SHISA9: variants seen among roughly 807,000 people sequenced by gnomAD.
The protein encoded by SHISA9 is protein shisa-9.
A neutral mutation model predicts 38.0 loss-of-function variants in SHISA9; 13 were observed. The ratio of observed to expected loss-of-function variants is 0.34; its 90% CI spans 0.22 to 0.54. SHISA9 has a LOEUF of 0.54. Among genes scored for constraint, SHISA9 ranks in the 20% least tolerant of loss-of-function variants. SHISA9 has a pLI of 0.91. For synonymous variants in SHISA9, 275 were observed against 242.0 expected (o/e 1.14, Z -1.27); for missense variants, 538 against 575.8 (o/e 0.93, Z 0.67).
the SHISA9 span, among the ~76,000 whole-genome samples, chr16:13,387,124 T>G: frequency 1.1e-4 from 16 of 152,358 alleles, no homozygotes; most frequent in South Asian, 1.0e-3. Context: ...TTCATCCATT[T>G]CTGTACATTT....
At chr16:12,961,490 T>C (rs2071911768) in intron 2 of SHISA9, among the ~76,000 whole-genome samples, 1 of 152,066 alleles carries the variant, frequency 6.6e-6, no homozygotes, top group African/African-American at 2.4e-5. Context: ...AAATAAACCA[T>C]ATTACCTCCT....
the SHISA9 span, among the ~76,000 whole-genome samples, chr16:13,486,650 C>G: frequency 1.3e-5 from 2 of 152,256 alleles, no homozygotes; most frequent in African/African-American, 4.8e-5. Flanking sequence ...ACTCTAGAGC[C>G]TAGCATAGCA....
At chr16:13,325,403 G>A in the SHISA9 span, among the ~76,000 whole-genome samples, 12 of 152,242 alleles carry the variant, frequency 7.9e-5, no homozygotes, top group African/African-American at 2.6e-4. Context: ...GGTATTATGA[G>A]GCATGTCTAA....
chr16:13,015,890 C>CTTTCTTTCTTTCTTTCTTTCTTTCTTT (rs1555454828), intron 2 of SHISA9, among the ~76,000 whole-genome samples: 1 of 117,034 alleles, frequency 8.5e-6, no homozygotes, highest in Non-Finnish European at 1.8e-5. Context: ...TTCTTTCTTT[C>CTTTCTTTCTTTCTTTCTTTCTTTCTTT]TTTCTTTCTT....
the SHISA9 span, among the ~76,000 whole-genome samples, chr16:13,498,170 C>A: frequency 5.9e-5 from 9 of 152,038 alleles, no homozygotes; most frequent in South Asian, 1.9e-3. Context: ...TGTGAAAAGA[C>A]AATGTAGAAG....
rs191488594 is a variant in SHISA9, at chr16:13,143,389, C to A, written c.692-60005C>A. On this transcript the variant is annotated intron_variant, in intron 2 of 4. Transcript: ENST00000558583. ...ACGGTGTACCAAGGATGAATATATC[C>A]CCGTACCTATCCTTCTGGAATTCAG... Among the ~76,000 whole-genome samples, 94 of 152,216 alleles carry A rather than the reference C, an allele frequency of 6.2e-4. 1 individual carries two copies. The highest frequency in any genetic ancestry group is 1.0e-3 in the Non-Finnish European group (70 of 68,012).
the SHISA9 span, among the ~76,000 whole-genome samples, chr16:13,285,376 G>A: frequency 2.0e-5 from 3 of 151,794 alleles, no homozygotes; most frequent in Non-Finnish European, 4.4e-5. Context: ...TGGCAGCTGG[G>A]GAGTAATTCT....
At chr16:13,265,820 G>GA in the SHISA9 span, among the ~76,000 whole-genome samples, 12,718 of 150,524 alleles carry the variant, frequency 0.084, 584 homozygotes, top group South Asian at 0.18. Context: ...AAGATAACTG[G>GA]AAAAAAAAAA....
At chr16:12,906,771 G>A (rs1349762669) in intron 1 of SHISA9, among the ~76,000 whole-genome samples, 1 of 151,980 alleles carries the variant, frequency 6.6e-6, no homozygotes, top group African/African-American at 2.4e-5. Flanking sequence ...TGGCACTATT[G>A]ACTGGAGAAT....
chr16:13,241,351 A>G (rs2051433924), downstream of SHISA9, among the ~76,000 whole-genome samples: 2 of 152,182 alleles, frequency 1.3e-5, 1 homozygote, highest in South Asian at 4.1e-4. Context: ...TATTAAAAAT[A>G]CAAAATTAGC....
chr16:13,226,342 C>T (rs1271995277), intron 4 of SHISA9, among the ~76,000 whole-genome samples: 4 of 152,180 alleles, frequency 2.6e-5, no homozygotes, highest in African/African-American at 7.2e-5. Context: ...CACCAGGCAC[C>T]AGTTCAGTGC....
chr16:13,324,565 T>G, the SHISA9 span, among the ~76,000 whole-genome samples: 1 of 152,210 alleles, frequency 6.6e-6, no homozygotes. Flanking sequence ...GGTTGTTTTT[T>G]TCAATCTAGG....
At chr16:13,314,878 G>A in the SHISA9 span, among the ~76,000 whole-genome samples, 1 of 152,168 alleles carries the variant, frequency 6.6e-6, no homozygotes, top group Non-Finnish European at 1.5e-5. Flanking sequence ...TATGCAGGAT[G>A]AATACTCTCT....
At chr16:13,204,210 G>A (rs9931251) in intron 3 of SHISA9, among the ~76,000 whole-genome samples, 27,738 of 140,852 alleles carry the variant, frequency 0.2, 3,213 homozygotes, top group African/African-American at 0.33. Flanking sequence ...CTGTCTGTCT[G>A]TCTATCTATC....
the SHISA9 span, among the ~76,000 whole-genome samples, chr16:13,353,269 G>C: frequency 6.6e-6 from 1 of 152,086 alleles, no homozygotes; most frequent in Non-Finnish European, 1.5e-5. Flanking sequence ...GCCTGGATAC[G>C]GTTTTGTATG....
intron 4 of SHISA9, among the ~76,000 whole-genome samples, chr16:13,226,684 C>T (rs1042706816): frequency 1.3e-5 from 2 of 152,150 alleles, no homozygotes; most frequent in Admixed American, 6.5e-5. Context: ...TGGATTGGCT[C>T]CTCTCAGTTG....
intron 3 of SHISA9, among the ~76,000 whole-genome samples, chr16:13,208,363 A>G (rs530408940): frequency 2.7e-5 from 4 of 147,938 alleles, no homozygotes; most frequent in African/African-American, 1.0e-4. Context: ...ATTTTATTGT[A>G]TTTTATTTTT....
chr16:12,924,063 G>A lies in SHISA9; in HGVS notation c.691+7248G>A, dbSNP rs79885728. Among the ~76,000 whole-genome samples the A allele has an allele frequency of 3.7e-3, 552 of 150,616 alleles. 18 individuals are homozygous for A. The East Asian group carries it at 0.091, about 25-fold the overall frequency. ...AGTCCAAATTATCCAGAGAGAGAGA[G>A]AATATGAGTGGTTTCCAGCCAGTCA... On this transcript the variant is annotated intron_variant, in intron 2 of 4. Coordinates refer to ENST00000558583, the MANE Select transcript of SHISA9 (RefSeq NM_001145204.3).
At chr16:12,918,169 T>A (rs2071282467) in intron 2 of SHISA9, among the ~76,000 whole-genome samples, 1 of 152,110 alleles carries the variant, frequency 6.6e-6, no homozygotes, top group Non-Finnish European at 1.5e-5. Context: ...CAAATGGAAG[T>A]TTTATGACCA....
Sources: gnomAD v4.1 joint callset for allele counts (sites outside exome capture counted in the v4.1 genomes callset) on GRCh38, gnomAD v4.1.1 for gene constraint, MANE v1.5 for transcripts, NCBI Gene and HGNC (gene_info 2026-07-23, HGNC 2026-07-21) for gene names.